The following CSGALNACT1 variants were observed in gnomAD, a reference collection of about 807,000 sequenced individuals.
CSGALNACT1 encodes the protein chondroitin sulfate N-acetylgalactosaminyltransferase 1, also known as beta4GalNAcT-1.
Under a neutral mutation model 51.0 loss-of-function variants are expected in CSGALNACT1, and 52 were observed. The ratio of observed to expected loss-of-function variants is 1.02; its 90% confidence interval spans 0.82 to 1.29. CSGALNACT1 has a LOEUF of 1.29. Ranked by LOEUF, CSGALNACT1 falls within the 50% of genes most tolerant of loss-of-function variation. CSGALNACT1 has a pLI of 0.00. For synonymous variants in CSGALNACT1, 341 were observed against 254.4 expected, an observed-to-expected ratio of 1.34 and a Z score of -3.24; for missense variants, 935 against 679.2, an observed-to-expected ratio of 1.38 and a Z score of -4.19.
chr8:19,653,917 T>C (rs956137431), intron 1 of CSGALNACT1, among the ~76,000 whole-genome samples: 1 of 152,134 alleles, frequency 6.6e-6, no homozygotes, highest in African/African-American at 2.4e-5. Context: ...AGGATGACTA[T>C]AGGTGTTCAC....
At chr8:19,504,401 T>C (rs1006119478) in intron 4 of CSGALNACT1, among the ~76,000 whole-genome samples, 2 of 152,222 alleles carry the variant, frequency 1.3e-5, no homozygotes, top group Non-Finnish European at 2.9e-5. Flanking sequence ...TTTTCAGAAA[T>C]GGGGAAAGAA....
chr8:19,636,272 T>C (rs114558689), intron 1 of CSGALNACT1, among the ~76,000 whole-genome samples: 3,261 of 152,284 alleles, frequency 0.021, 102 homozygotes, highest in South Asian at 0.071. Flanking sequence ...TTATTGGTTA[T>C]TGTTGGTAAT....
At chr8:19,497,307 C>T (rs2075664178) in intron 4 of CSGALNACT1, among the ~76,000 whole-genome samples, 1 of 152,100 alleles carries the variant, frequency 6.6e-6, no homozygotes, top group African/African-American at 2.4e-5. Flanking sequence ...AGTGAGTAGA[C>T]CTCAATTGCA....
At chr8:19,709,906 C>T (rs116884728) in intron 1 of CSGALNACT1, among the ~76,000 whole-genome samples, 5,669 of 152,262 alleles carry the variant, frequency 0.037, 169 homozygotes, top group Non-Finnish European at 0.052. Context: ...AAGGCCCCTA[C>T]AGAACATTTG....
At chr8:19,443,181 G>T (rs1264694019) in intron 5 of CSGALNACT1, among the ~76,000 whole-genome samples, 1 of 152,170 alleles carries the variant, frequency 6.6e-6, no homozygotes, top group Non-Finnish European at 1.5e-5. Flanking sequence ...GAAAGCAGTG[G>T]CTAACCTGGG....
At chr8:19,625,296 T>C (rs1374954284) in intron 1 of CSGALNACT1, among the ~76,000 whole-genome samples, 1 of 152,224 alleles carries the variant, frequency 6.6e-6, no homozygotes, top group Non-Finnish European at 1.5e-5. Flanking sequence ...ATTCACTGAT[T>C]TGGGGTACCA....
intron 3 of CSGALNACT1, among the ~76,000 whole-genome samples, chr8:19,544,950 T>C (rs972916821): frequency 6.6e-6 from 1 of 151,620 alleles, no homozygotes; most frequent in African/African-American, 2.4e-5. Context: ...GGAGAAGTTT[T>C]CAAAGAAAAA....
At chr8:19,575,710 G>A (rs1332704366) in intron 3 of CSGALNACT1, among the ~76,000 whole-genome samples, 1 of 152,082 alleles carries the variant, frequency 6.6e-6, no homozygotes, top group African/African-American at 2.4e-5. Flanking sequence ...TCTGTTAGAA[G>A]TATAAACAAA....
intron 1 of CSGALNACT1, among the ~76,000 whole-genome samples, chr8:19,626,041 C>G (rs1415921774): frequency 1.3e-5 from 2 of 152,054 alleles, no homozygotes; most frequent in Non-Finnish European, 2.9e-5. Context: ...ATAATCCTAG[C>G]AAGATTTTTT....
chr8:19,521,576 A>G (rs2080714713), intron 3 of CSGALNACT1, among the ~76,000 whole-genome samples: 1 of 152,128 alleles, frequency 6.6e-6, no homozygotes. Flanking sequence ...CCAGCTATTC[A>G]GGAGGCTGAG....
intron 1 of CSGALNACT1, among the ~76,000 whole-genome samples, chr8:19,681,494 G>T (rs906458371): frequency 6.6e-6 from 1 of 152,206 alleles, no homozygotes; most frequent in Non-Finnish European, 1.5e-5. Flanking sequence ...AGGGACCTGG[G>T]AGGAGAGAGG....
At chr8:19,681,976 T>A (rs917295242) in intron 1 of CSGALNACT1, among the ~76,000 whole-genome samples, 14 of 152,180 alleles carry the variant, frequency 9.2e-5, no homozygotes, top group African/African-American at 2.7e-4. Flanking sequence ...CTTCACCAGT[T>A]TGCATAAGAG....
intron 1 of CSGALNACT1, among the ~76,000 whole-genome samples, chr8:19,659,074 C>A (rs548555242): frequency 1.3e-3 from 198 of 152,254 alleles, no homozygotes; most frequent in African/African-American, 4.5e-3. Flanking sequence ...CCCAACCCAC[C>A]CACCACCTTA....
intron 1 of CSGALNACT1, among the ~76,000 whole-genome samples, chr8:19,680,664 A>G (rs2154208447): frequency 6.6e-6 from 1 of 150,916 alleles, no homozygotes; most frequent in East Asian, 2.0e-4. Context: ...ATTACAAGTA[A>G]TCTAAGAGGT....
At chr8:19,751,028 TTTG>T (rs1218111833) in intron 1 of CSGALNACT1, among the ~76,000 whole-genome samples, 1 of 152,176 alleles carries the variant, frequency 6.6e-6, no homozygotes, top group African/African-American at 2.4e-5. Context: ...TAAAAATTAT[TTTG>T]TTATCTTGCT....
chr8:19,597,621 C>CT (rs2049244115), intron 2 of CSGALNACT1, among the ~76,000 whole-genome samples: 2 of 152,052 alleles, frequency 1.3e-5, no homozygotes, highest in Non-Finnish European at 2.9e-5. Context: ...TATTTTTAAA[C>CT]AATTAATTTA....
intron 3 of CSGALNACT1, among the ~76,000 whole-genome samples, chr8:19,529,773 T>C (rs2082382186): frequency 6.6e-6 from 1 of 152,176 alleles, no homozygotes; most frequent in Admixed American, 6.6e-5. Flanking sequence ...TGCAAAATGG[T>C]GCAGTACTTG....
rs532406971 is a variant in CSGALNACT1, at chr8:19,499,421, A to G, written c.634+5780T>C. ...TTGGAACATAGTGAGCACTCACATA[A>G]TGTATGGTGAATGAGTGCAACCTTC... On this transcript the variant is annotated intron_variant, in intron 4 of 9. Coordinates refer to ENST00000454498, the Ensembl canonical transcript of CSGALNACT1. Among the ~76,000 whole-genome samples, 3 of 152,332 alleles carry G rather than the reference A, an allele frequency of 2.0e-5. No homozygotes were observed. The South Asian group carries it at 6.2e-4, about 32-fold the overall frequency.
Position 19,405,749 on chromosome 8 carries a change from A to C in CSGALNACT1, c.*31T>G, listed in dbSNP as rs749311926. The stretch of plus-strand genomic sequence containing the variant: ...TTTCAGTAATTGCAAAAGGAAAGAA[A>C]AAGTGTCTCCCACAATCCTTCTCTG... On this transcript the variant is annotated 3_prime_UTR_variant, in exon 10 of 10. Transcript: ENST00000454498. The C allele has an allele frequency of 2.5e-6, 4 of 1,613,934 alleles. No individual in the cohort carries two copies. In the South Asian group the frequency reaches 4.4e-5, roughly 18 times the overall value.
Sources: gnomAD v4.1 joint callset for allele counts (sites outside exome capture counted in the v4.1 genomes callset) on GRCh38, gnomAD v4.1.1 for gene constraint, MANE v1.5 for transcripts, NCBI Gene and HGNC (gene_info 2026-07-23, HGNC 2026-07-21) for gene names.